The following HDAC9 variants were observed in gnomAD, a reference collection of about 807,000 sequenced individuals.
HDAC9 encodes the protein MEF-2 interacting transcription repressor (MITR) protein.
HDAC9 carries 41 observed loss-of-function variants against 139.4 expected under a neutral mutation model. The ratio of observed to expected loss-of-function variants is 0.29; its 90% CI spans 0.23 to 0.38. HDAC9 has a LOEUF of 0.38. HDAC9 is among the 10% of genes least tolerant of loss of function. The probability of loss-of-function intolerance (pLI) is 1.00; values close to 1 mark genes in which losing one functional copy is unlikely to be tolerated. For missense variants in HDAC9, 1,147 were observed against 1,297.0 expected, an observed-to-expected ratio of 0.88 and a Z score of 1.78; for synonymous variants, 517 against 476.2, an observed-to-expected ratio of 1.09 and a Z score of -1.12.
At chr7:18,707,495 A>T (rs1239651281) in intron 12 of HDAC9, among the ~76,000 whole-genome samples, 1 of 152,166 alleles carries the variant, frequency 6.6e-6, no homozygotes, top group Admixed American at 6.6e-5. Flanking sequence ...TATATGCAGG[A>T]ATATACAGCC....
chr7:18,966,259 G>A (rs908979533), intron 24 of HDAC9, among the ~76,000 whole-genome samples: 1 of 152,190 alleles, frequency 6.6e-6, no homozygotes, highest in African/African-American at 2.4e-5. Context: ...AGAAAAGCGT[G>A]TAGGGTCCTC....
chr7:18,520,949 T>A (rs529369631), intron 2 of HDAC9, among the ~76,000 whole-genome samples: 1 of 152,304 alleles, frequency 6.6e-6, no homozygotes, highest in Admixed American at 6.5e-5. Context: ...ACTTAGAACA[T>A]TCTCCTAATA....
At chr7:18,979,442 C>G (rs76719159) in intron 25 of HDAC9, among the ~76,000 whole-genome samples, 1 of 152,112 alleles carries the variant, frequency 6.6e-6, no homozygotes, top group African/African-American at 2.4e-5. Flanking sequence ...CTAAATGTTG[C>G]ACAAATTATT....
intron 2 of HDAC9, among the ~76,000 whole-genome samples, chr7:18,575,166 T>C (rs1268245277): frequency 6.6e-6 from 1 of 152,236 alleles, no homozygotes; most frequent in African/African-American, 2.4e-5. Context: ...AAGTTGCCTT[T>C]CAAGACTACA....
intron 17 of HDAC9, among the ~76,000 whole-genome samples, chr7:18,822,093 C>T (rs1795017198): frequency 6.6e-6 from 1 of 152,114 alleles, no homozygotes; most frequent in Admixed American, 6.6e-5. Context: ...GTGGAGGTTC[C>T]ATCACATGGG....
chr7:18,679,967 A>G (rs1781783625), intron 12 of HDAC9, among the ~76,000 whole-genome samples: 1 of 151,966 alleles, frequency 6.6e-6, no homozygotes, highest in African/African-American at 2.4e-5. Flanking sequence ...TCTTGCATTT[A>G]GTTTTCCACC....
chr7:18,869,616 A>G (rs1798763718), intron 21 of HDAC9, among the ~76,000 whole-genome samples: 1 of 152,164 alleles, frequency 6.6e-6, no homozygotes, highest in African/African-American at 2.4e-5. Context: ...AACTTGTGGG[A>G]TCTACACTAT....
intron 1 of HDAC9, among the ~76,000 whole-genome samples, chr7:18,408,269 T>G (rs941546528): frequency 1.3e-5 from 2 of 152,164 alleles, no homozygotes; most frequent in African/African-American, 4.8e-5. Flanking sequence ...TTTAAAAAAT[T>G]ATTGTTTCTA....
chr7:18,987,995 T>C (rs1386510413), intron 25 of HDAC9, among the ~76,000 whole-genome samples: 1 of 152,224 alleles, frequency 6.6e-6, no homozygotes, highest in Non-Finnish European at 1.5e-5. Context: ...TCTAGCAATT[T>C]TGTTGATCCT....
intron 16 of HDAC9, among the ~76,000 whole-genome samples, chr7:18,775,194 GA>G (rs1562932278): frequency 6.6e-6 from 1 of 151,992 alleles, no homozygotes; most frequent in East Asian, 1.9e-4. Context: ...AAAGATGACT[GA>G]TCACAGATGG....
At chr7:18,745,802 T>C (rs1177556125) in intron 13 of HDAC9, among the ~76,000 whole-genome samples, 1 of 150,558 alleles carries the variant, frequency 6.6e-6, no homozygotes, top group Non-Finnish European at 1.5e-5. Context: ...CGCCTCGGCC[T>C]CCCAAAGTGC....
intron 13 of HDAC9, among the ~76,000 whole-genome samples, chr7:18,738,499 T>C (rs1450050953): frequency 6.6e-6 from 1 of 152,218 alleles, no homozygotes; most frequent in Non-Finnish European, 1.5e-5. Context: ...TAATGGATTT[T>C]ATTTCTCCTT....
intron 2 of HDAC9, among the ~76,000 whole-genome samples, chr7:18,216,956 A>T (rs1335832773): frequency 6.6e-6 from 1 of 152,110 alleles, no homozygotes; most frequent in East Asian, 1.9e-4. Context: ...ACTTTTTTTT[A>T]AAACCGTATT....
At chr7:18,370,657 A>G (rs1784525767) in intron 1 of HDAC9, among the ~76,000 whole-genome samples, 2 of 152,256 alleles carry the variant, frequency 1.3e-5, no homozygotes, top group Non-Finnish European at 2.9e-5. Context: ...AGTTTATTTT[A>G]TTTGACTTTT....
rs566770871 is a variant in HDAC9, at chr7:18,177,859, G to A, written c.25+15510G>A. 7.0e-4 allele frequency among the ~76,000 whole-genome samples: 106 copies of A among 152,322 alleles called. 1 individual carries two copies. In the South Asian group the frequency reaches 0.02, roughly 29 times the overall value. On this transcript the variant is annotated intron_variant, in intron 2 of 12. Transcript: ENST00000417496. The stretch of plus-strand genomic sequence containing the variant: ...GTGAAGAATAAAGGGCACTTTGTGA[G>A]GAGGCTGATTATAGTGGTGCTAGGG...
intron 6 of HDAC9, among the ~76,000 whole-genome samples, chr7:18,605,600 C>G (rs1226650184): frequency 6.6e-6 from 1 of 152,118 alleles, no homozygotes; most frequent in Non-Finnish European, 1.5e-5. Context: ...CATATATTCA[C>G]TGAGAGAAAC....
At chr7:18,815,252 C>CA (rs1206693993) in intron 17 of HDAC9, among the ~76,000 whole-genome samples, 1 of 151,196 alleles carries the variant, frequency 6.6e-6, no homozygotes, top group Non-Finnish European at 1.5e-5. Flanking sequence ...ATTTATATGA[C>CA]AAAAAATATC....
intron 17 of HDAC9, among the ~76,000 whole-genome samples, chr7:18,805,843 C>A (rs1793660973): frequency 6.6e-6 from 1 of 152,168 alleles, no homozygotes; most frequent in South Asian, 2.1e-4. Flanking sequence ...TCCTTCTTCC[C>A]AGTCTCCAGA....
At chr7:18,882,142 G>C (rs1430045485) in intron 22 of HDAC9, among the ~76,000 whole-genome samples, 1 of 152,092 alleles carries the variant, frequency 6.6e-6, no homozygotes, top group Non-Finnish European at 1.5e-5. Flanking sequence ...TTTAAAGTAA[G>C]TCAGATGATT....
Sources: gnomAD v4.1 joint callset for allele counts (sites outside exome capture counted in the v4.1 genomes callset) on GRCh38, gnomAD v4.1.1 for gene constraint, MANE v1.5 for transcripts, NCBI Gene and HGNC (gene_info 2026-07-23, HGNC 2026-07-21) for gene names.